UNC13C: variants seen among roughly 807,000 people sequenced by gnomAD.
The protein encoded by UNC13C is protein unc-13 homolog C.
A neutral mutation model predicts 245.4 loss-of-function variants in UNC13C; 174 were observed. That is an observed-to-expected ratio of 0.71 (90% confidence interval 0.63 to 0.80). The LOEUF (loss-of-function observed/expected upper bound fraction) is 0.80, where lower values mean the gene tolerates loss of function less well. Ranked by LOEUF, UNC13C falls within the 30% of genes least tolerant of loss-of-function variation. The pLI is 0.00. For missense variants in UNC13C, 2,829 were observed against 2,602.9 expected (o/e 1.09, Z -1.89); for synonymous variants, 992 against 895.1 (o/e 1.11, Z -1.93).
the UNC13C span, among the ~76,000 whole-genome samples, chr15:53,905,704 A>T: frequency 6.6e-6 from 1 of 152,126 alleles, no homozygotes; most frequent in Non-Finnish European, 1.5e-5. Flanking sequence ...TCTAATGTCC[A>T]GTAAGGTGAC....
At chr15:54,433,150 C>T (rs1215962885) in intron 19 of UNC13C, among the ~76,000 whole-genome samples, 1 of 151,952 alleles carries the variant, frequency 6.6e-6, no homozygotes, top group East Asian at 1.9e-4. Flanking sequence ...AGTATTCTAC[C>T]AGAGATACAA....
intron 29 of UNC13C, among the ~76,000 whole-genome samples, chr15:54,556,066 T>C (rs1183053068): frequency 6.6e-6 from 1 of 152,096 alleles, no homozygotes; most frequent in South Asian, 2.1e-4. Context: ...TTGTAGTGTA[T>C]GCTAAATATG....
chr15:54,405,253 G>C (rs1241976293), intron 18 of UNC13C, among the ~76,000 whole-genome samples: 1 of 152,130 alleles, frequency 6.6e-6, no homozygotes, highest in Non-Finnish European at 1.5e-5. Flanking sequence ...GCTCCACTGG[G>C]TAAATTTGCT....
In UNC13C at chr15:54,189,820, G is replaced by A. The variant is rs1332803512; in HGVS notation, c.3072-45210G>A. Among the ~76,000 whole-genome samples, 9 of 151,934 alleles carry A rather than the reference G, an allele frequency of 5.9e-5. 1 individual carries two copies. Among genetic ancestry groups the A allele is most frequent in the Admixed American group, 1.3e-4 (2 of 15,238 alleles). On this transcript the variant is annotated intron_variant, in intron 4 of 32. Transcript: ENST00000260323. ...ATGCCACAAACAGCTGCTTGATTGC[G>A]GCGGCATCTTGATTCTTTGATGCCA...
chr15:54,491,793 G>A (rs946467727), intron 19 of UNC13C, among the ~76,000 whole-genome samples: 3 of 151,948 alleles, frequency 2.0e-5, no homozygotes, highest in Admixed American at 2.0e-4. Flanking sequence ...ACGAGGTCAG[G>A]AGATCCAGAC....
At chr15:54,047,757 A>AT (rs1305921477) in intron 2 of UNC13C, among the ~76,000 whole-genome samples, 2 of 152,104 alleles carry the variant, frequency 1.3e-5, no homozygotes, top group East Asian at 3.9e-4. Context: ...ATCCTCAAGT[A>AT]TTTTTGTTCT....
At chr15:53,988,421 G>A (rs751229977) in intron 1 of UNC13C, among the ~76,000 whole-genome samples, 3 of 151,958 alleles carry the variant, frequency 2.0e-5, no homozygotes, top group Non-Finnish European at 2.9e-5. Context: ...ATTGTTGTGA[G>A]TAGAGAGCAG....
intron 7 of UNC13C, among the ~76,000 whole-genome samples, chr15:54,247,981 C>T (rs911868256): frequency 6.6e-6 from 1 of 152,102 alleles, no homozygotes; most frequent in African/African-American, 2.4e-5. Context: ...TACTGACTAT[C>T]ACTTGACTTC....
At chr15:54,537,371 A>G (rs1383961127) in intron 26 of UNC13C, among the ~76,000 whole-genome samples, 1 of 152,122 alleles carries the variant, frequency 6.6e-6, no homozygotes, top group Non-Finnish European at 1.5e-5. Flanking sequence ...ATGCTCATGG[A>G]TAGGAAGACT....
chr15:53,971,165 T>G, the UNC13C span, among the ~76,000 whole-genome samples: 2 of 152,300 alleles, frequency 1.3e-5, no homozygotes, highest in South Asian at 4.2e-4. Context: ...TTTTGAGAAA[T>G]GTCTATTCAA....
At chr15:54,592,402 C>T (rs1475476279) in intron 30 of UNC13C, among the ~76,000 whole-genome samples, 1 of 152,074 alleles carries the variant, frequency 6.6e-6, no homozygotes, top group Non-Finnish European at 1.5e-5. Context: ...GTATTGAAGT[C>T]CCCCACTATT....
At chr15:54,120,304 T>G (rs1567029167) in intron 2 of UNC13C, among the ~76,000 whole-genome samples, 1 of 152,108 alleles carries the variant, frequency 6.6e-6, no homozygotes, top group Non-Finnish European at 1.5e-5. Flanking sequence ...TCCTAGAGCC[T>G]TTGGGAATTA....
chr15:53,940,959 AT>A, the UNC13C span, among the ~76,000 whole-genome samples: 110 of 152,332 alleles, frequency 7.2e-4, no homozygotes, highest in African/African-American at 2.6e-3. Flanking sequence ...AAAAAAATCT[AT>A]TTTAAAATTC....
At chr15:54,325,582 C>T (rs1349778974) in intron 14 of UNC13C, among the ~76,000 whole-genome samples, 2 of 152,018 alleles carry the variant, frequency 1.3e-5, no homozygotes, top group African/African-American at 4.8e-5. Context: ...CTCGACAGGC[C>T]CCGGTGTGTG....
chr15:54,443,239 C>G (rs1890628900), intron 19 of UNC13C, among the ~76,000 whole-genome samples: 3 of 152,024 alleles, frequency 2.0e-5, no homozygotes, highest in Non-Finnish European at 4.4e-5. Context: ...TTTTACATTT[C>G]TGTAGTATCA....
chr15:54,270,875 TC>T (rs914213592), intron 10 of UNC13C, among the ~76,000 whole-genome samples: 3 of 151,936 alleles, frequency 2.0e-5, no homozygotes, highest in African/African-American at 7.3e-5. Context: ...TGATTTTTTT[TC>T]CCCCTACATC....
At chr15:54,564,782 G>A (rs1897437858) in intron 29 of UNC13C, among the ~76,000 whole-genome samples, 1 of 151,958 alleles carries the variant, frequency 6.6e-6, no homozygotes, top group Admixed American at 6.6e-5. Flanking sequence ...CCTCTACCAT[G>A]TTAATAAGCG....
At chr15:54,161,217 G>C (rs2032959272) in intron 4 of UNC13C, among the ~76,000 whole-genome samples, 1 of 152,056 alleles carries the variant, frequency 6.6e-6, no homozygotes, top group African/African-American at 2.4e-5. Context: ...TCCGACCTCA[G>C]CCTCCCAAAT....
chr15:54,579,122 A>G (rs1162728416), intron 30 of UNC13C, among the ~76,000 whole-genome samples: 1 of 152,202 alleles, frequency 6.6e-6, no homozygotes, highest in Non-Finnish European at 1.5e-5. Context: ...CGGCAGTAAA[A>G]TAGGCAAGTG....
Sources: gnomAD v4.1 joint callset for allele counts (sites outside exome capture counted in the v4.1 genomes callset) on GRCh38, gnomAD v4.1.1 for gene constraint, MANE v1.5 for transcripts, NCBI Gene and HGNC (gene_info 2026-07-23, HGNC 2026-07-21) for gene names.